The following PRMT1 variants were observed in gnomAD, a reference collection of about 807,000 sequenced individuals.
The protein encoded by PRMT1 is protein arginine methyltransferase 1, also known as protein arginine N-methyltransferase 1.
Under a neutral mutation model 47.4 loss-of-function variants are expected in PRMT1, and 5 were observed. That is an observed-to-expected ratio of 0.11 (90% CI 0.06 to 0.22). PRMT1 has a LOEUF of 0.22. Ranked by LOEUF, PRMT1 falls within the 10% of genes least tolerant of loss-of-function variation. The pLI, the probability that PRMT1 is intolerant of heterozygous loss-of-function variation, is 1.00. For synonymous variants in PRMT1, 227 were observed against 204.6 expected (o/e 1.11, Z -0.94); for missense variants, 249 against 518.4 (o/e 0.48, Z 5.05).
intron 5 of PRMT1, chr19:49,683,531 A>G (rs2082153417): frequency 5.6e-6 from 1 of 177,854 alleles, no homozygotes. Context: ...TACTAAAAAT[A>G]CAAAAAATTA....
rs575808627 is a variant in PRMT1, at chr19:49,684,288, C to T, written c.555+219C>T. 1.9e-4 allele frequency among the ~76,000 whole-genome samples: 29 copies of T among 151,880 alleles called. No homozygotes were observed. The highest frequency in any genetic ancestry group is 1.8e-3 in the Admixed American group (27 of 15,270). On this transcript the variant is annotated intron_variant, in intron 6 of 10. Transcript: ENST00000454376. The surrounding 1 kb of genome is among the most constrained non-coding windows in gnomAD (Gnocchi z 6.2). The stretch of plus-strand genomic sequence containing the variant: ...AGGAAATCCGTAGCGGCGCAATAGC[C>T]CAGGTCCTTAGGCCCCAGCAGGCCT...
intron 5 of PRMT1, among the ~76,000 whole-genome samples, chr19:49,682,781 T>A (rs974675455): frequency 6.9e-5 from 2 of 29,046 alleles, no homozygotes; most frequent in African/African-American, 1.8e-4. Flanking sequence ...TCCCCAGCAT[T>A]TTTTTTTTTT....
chr19:49,680,257 T>G lies in PRMT1; in HGVS notation c.91-230T>G. ...AGAGATGGTAGGCGTGGCTGAGGTA[T>G]CGGGGTGCTCCCCTGGATGGTGCTC... On this transcript the variant is annotated intron_variant, in intron 2 of 10. Coordinates refer to ENST00000454376, the MANE Select transcript of PRMT1 (RefSeq NM_001536.6). This position sits in a 1 kb window ranked among gnomAD's most constrained non-coding sequence, Gnocchi z 4.2. 2 of 1,554,652 alleles carry G rather than the reference T, an allele frequency of 1.3e-6. No individual in the cohort carries two copies. The highest frequency in any genetic ancestry group is 1.8e-6 in the Non-Finnish European group (2 of 1,130,890).
At chr19:49,676,779 A>T (rs2122915125), upstream of PRMT1, among the ~76,000 whole-genome samples, 1 of 152,234 alleles carries the variant, frequency 6.6e-6, no homozygotes, top group Middle Eastern at 3.4e-3. Context: ...CCGTGGGCCA[A>T]TTGCCGTGTT....
At chr19:49,678,953 G>A (rs1219651784) in intron 1 of PRMT1, among the ~76,000 whole-genome samples, 3 of 149,278 alleles carry the variant, frequency 2.0e-5, no homozygotes, top group Non-Finnish European at 4.4e-5. Flanking sequence ...GCTTGATCTC[G>A]GCTCATTGCA....
Position 49,684,127 on chromosome 19 carries a change from A to G in PRMT1, c.555+58A>G. On this transcript the variant is annotated intron_variant, in intron 6 of 10. Transcript: ENST00000454376. This position sits in a 1 kb window ranked among gnomAD's most constrained non-coding sequence, Gnocchi z 6.2. ...TGGGCTGGGGTCCAGGTAGAAGACG[A>G]AAACCACGCTCAATTTTTCCCACAG... is the stretch of plus-strand genomic sequence containing the variant. 6.2e-7 allele frequency: 1 copy of G among 1,600,792 alleles called. No homozygotes were observed. Among genetic ancestry groups the G allele is most frequent in the Non-Finnish European group, 8.5e-7 (1 of 1,170,886 alleles).
chr19:49,680,965 C>T lies in PRMT1; in HGVS notation c.192+377C>T, dbSNP rs1227896175. Among the ~76,000 whole-genome samples, 3 of 152,268 alleles carry T rather than the reference C, an allele frequency of 2.0e-5. No homozygotes were observed. The highest frequency in any genetic ancestry group is 2.0e-4 in the Admixed American group (3 of 15,290). ...GATCTGACTGAAGACACTGAAATCC[C>T]AGAACGAAGCTGGGGTGGCATTCTA... is the stretch of plus-strand genomic sequence containing the variant. On this transcript the variant is annotated intron_variant, in intron 3 of 10. Coordinates refer to ENST00000454376, the MANE Select transcript of PRMT1 (RefSeq NM_001536.6). The surrounding 1 kb of genome is among the most constrained non-coding windows in gnomAD (Gnocchi z 4.2).
chr19:49,684,714 C>T lies in PRMT1; in HGVS notation c.556-40C>T, dbSNP rs1482282144. ...GGAGGCAAGACTCAGGGTAGTGTTG[C>T]CAGGCCCCACCCTTCATGCCTCGCC... On this transcript the variant is annotated intron_variant, in intron 6 of 10. Coordinates refer to ENST00000454376, the MANE Select transcript of PRMT1 (RefSeq NM_001536.6). The surrounding 1 kb of genome is among the most constrained non-coding windows in gnomAD (Gnocchi z 6.2). 6.5e-7 allele frequency: 1 copy of T among 1,539,796 alleles called. No individual in the cohort carries two copies.
At chr19:49,679,948 C>A in intron 2 of PRMT1, 23 bp downstream of exon 2, 2 of 1,595,770 alleles carry the variant, frequency 1.3e-6, no homozygotes, top group African/African-American at 1.3e-5. Flanking sequence ...TTGTGAGACC[C>A]CTCCCCACCC....
In PRMT1 at chr19:49,688,274, CA is replaced by C. The variant is rs1414775195; in HGVS notation, c.*30del. 6.2e-7 allele frequency: 1 copy of C among 1,609,168 alleles called. No homozygotes were observed. Among genetic ancestry groups the C allele is most frequent in the Non-Finnish European group, 8.5e-7 (1 of 1,176,556 alleles). The stretch of plus-strand genomic sequence containing the variant: ...CCGGCTCTCCCGCCCTGCACGAGCC[CA>C]GGGGCTGAGCGTTCCTAGGCGGTTT... On this transcript the variant is annotated 3_prime_UTR_variant, in exon 11 of 11. Coordinates refer to ENST00000454376, the MANE Select transcript of PRMT1 (RefSeq NM_001536.6). The surrounding 1 kb of genome is among the most constrained non-coding windows in gnomAD (Gnocchi z 5.3).
At position 49,686,624 on chromosome 19, in the gene PRMT1, G is replaced by A. The variant is rs955307162; in HGVS notation, c.930G>A (p.Thr310=). The change falls in exon 10 of 11, where the codon ACG becomes ACA. Residue 310 remains threonine (T), a synonymous_variant. Transcript: ENST00000454376. ...CCCCAGGCCCCGAGTCCCCGTACAC[G>A]CACTGGAAGCAGACGGTGTTCTACA... ...GFSTSPESPY[T]HWKQTVFYME... is the part of the protein sequence containing the mutation. The A allele has an allele frequency of 5.6e-6, 9 of 1,611,478 alleles. No individual in the cohort carries two copies. Among genetic ancestry groups the A allele is most frequent in the East Asian group, 2.2e-5 (1 of 44,876 alleles).
In PRMT1 at chr19:49,680,585, C is replaced by T. The variant is rs755627658; in HGVS notation, c.189C>T (p.His63=). ...ACTCCTACGCACACTTTGGCATCCA[C>T]GAGGTCAGTGGGGACAGTCCCCAAG... ...YFDSYAHFGI[H]EEMLKDEVRT... is the part of the protein sequence containing the mutation. Residue 63 remains histidine (H), a synonymous_variant, in exon 3 of 11, where the codon CAC becomes CAT. Transcript: ENST00000454376. The surrounding 1 kb of genome is among the most constrained non-coding windows in gnomAD (Gnocchi z 4.2). 10 of 1,610,234 alleles carry T rather than the reference C, an allele frequency of 6.2e-6. No homozygotes were observed. Among genetic ancestry groups the T allele is most frequent in the Non-Finnish European group, 8.5e-6 (10 of 1,176,544 alleles).
At position 49,680,306 on chromosome 19, in the gene PRMT1, A is replaced by T; in HGVS notation, c.91-181A>T. The T allele has an allele frequency of 7.8e-7, 1 of 1,290,144 alleles. No homozygotes were observed. Among genetic ancestry groups the T allele is most frequent in the Non-Finnish European group, 1.1e-6 (1 of 897,216 alleles). 79.9% of individuals were successfully genotyped at this position (1,290,144 alleles called of 1,614,324 possible). A position where few individuals can be genotyped will look rare whatever the true frequency, so the allele number is the denominator to read the frequency against. On this transcript the variant is annotated intron_variant, in intron 2 of 10. Coordinates refer to ENST00000454376, the MANE Select transcript of PRMT1 (RefSeq NM_001536.6). The surrounding 1 kb of genome is among the most constrained non-coding windows in gnomAD (Gnocchi z 4.2). ...TCTGGGGGGGTCCTGGAAGTGGAAA[A>T]TGGGGTTGTTAGGTTTTGGGGTTCC... is the stretch of plus-strand genomic sequence containing the variant.
Position 49,688,101 on chromosome 19 carries a change from AC to A in PRMT1, c.1033-58del. The A allele has an allele frequency of 6.9e-7, 1 of 1,444,630 alleles. No individual in the cohort carries two copies. 89.5% of individuals were successfully genotyped at this position (1,444,630 alleles called of 1,614,324 possible). ...GCTCATCGTCGCATAGCCTGCCTGCACCCGCCCCCCGCCACCACCTCCTGGT... is the reference window on the plus strand; with the variant it reads ...GCTCATCGTCGCATAGCCTGCCTGCACCGCCCCCCGCCACCACCTCCTGGT... On this transcript the variant is annotated intron_variant, in intron 10 of 10. Coordinates refer to ENST00000454376, the MANE Select transcript of PRMT1 (RefSeq NM_001536.6). This position sits in a 1 kb window ranked among gnomAD's most constrained non-coding sequence, Gnocchi z 5.3.
Position 49,683,924 on chromosome 19 carries a change from C to T in PRMT1, c.413-3C>T, listed in dbSNP as rs1464208162. On this transcript the variant is annotated splice_region_variant and splice_polypyrimidine_tract_variant and intron_variant, in intron 5 of 10. Coordinates refer to ENST00000454376, the MANE Select transcript of PRMT1 (RefSeq NM_001536.6). ...TGACGTGGCCACCCTTGTCCGCCCGCAGTGGTGACCATCATCAAGGGGAAG... is the reference window on the plus strand; with the variant it reads ...TGACGTGGCCACCCTTGTCCGCCCGTAGTGGTGACCATCATCAAGGGGAAG... 4 of 1,612,630 alleles carry T rather than the reference C, an allele frequency of 2.5e-6. 1 individual carries two copies. The South Asian group carries it at 4.4e-5, about 18-fold the overall frequency.
chr19:49,679,913 G>C lies in PRMT1; in HGVS notation c.78G>C (p.Pro26=), dbSNP rs759570014. 1.9e-6 allele frequency: 3 copies of C among 1,612,200 alleles called. No individual in the cohort carries two copies. Among genetic ancestry groups the C allele is most frequent in the African/African-American group, 2.7e-5 (2 of 74,918 alleles). Residue 26 remains proline (P), a synonymous_variant, in exon 2 of 11, where the codon CCG becomes CCC. Transcript: ENST00000454376. ...TGGCTAATGGGATGAGCCTCCAGCC[G>C]CCTCTTGAAGAAGTAAATATCCTTT... ...ATLANGMSLQ[P]PLEEVSCGQA...
chr19:49,679,743 G>A (rs747958132), intron 1 of PRMT1, 129 bp from the exon 2 acceptor site: 64 of 666,902 alleles, frequency 9.6e-5, no homozygotes, highest in South Asian at 1.6e-4. Context: ...TGCCCCCTTC[G>A]CCACCACTCC....
rs756425646 is a variant in PRMT1, at chr19:49,683,997, C to T, written c.483C>T (p.Ser161=). ...TGGAGAAGGTGGACATCATCATCAG[C>T]GAGTGGATGGGCTACTGCCTCTTCT... is the stretch of plus-strand genomic sequence containing the variant. ...LPVEKVDIII[S]EWMGYCLFYE... Residue 161 remains serine, a synonymous_variant, in exon 6 of 11, where the codon AGC becomes AGT. Transcript: ENST00000454376. 27 of 1,613,984 alleles carry T rather than the reference C, an allele frequency of 1.7e-5. No homozygotes were observed. The highest frequency in any genetic ancestry group is 1.6e-4 in the East Asian group (7 of 44,878).
chr19:49,687,612 G>A (rs967569508), intron 10 of PRMT1, among the ~76,000 whole-genome samples: 1 of 151,974 alleles, frequency 6.6e-6, no homozygotes, highest in African/African-American at 2.4e-5. Context: ...GGGCCAGGGG[G>A]CTGGTAAATG....
Sources: allele counts gnomAD v4.1 joint callset (sites outside exome capture counted in the v4.1 genomes callset), GRCh38; gene constraint gnomAD v4.1.1; non-coding constraint Gnocchi (gnomAD v3.1); transcripts MANE v1.5; gene names NCBI Gene and HGNC (gene_info 2026-07-23, HGNC 2026-07-21).